The following ENTHD1 variants were observed in gnomAD, a reference collection of about 807,000 sequenced individuals.
ENTHD1 encodes ENTH domain containing 1.
A neutral mutation model predicts 39.1 loss-of-function variants in ENTHD1; 23 were observed. The observed-to-expected ratio is 0.59, with a 90% confidence interval of 0.42 to 0.83. The LOEUF (loss-of-function observed/expected upper bound fraction) is 0.83. Ranked by LOEUF, ENTHD1 falls within the 40% of genes least tolerant of loss-of-function variation. The pLI is 0.00. For missense variants in ENTHD1, 624 were observed against 705.4 expected (o/e 0.88, Z 1.31); for synonymous variants, 230 against 258.2 (o/e 0.89, Z 1.05).
intron 4 of ENTHD1, among the ~76,000 whole-genome samples, chr22:39,833,974 CTTTATCTATA>C (rs2065890172): frequency 6.6e-6 from 1 of 151,006 alleles, no homozygotes; most frequent in Non-Finnish European, 1.5e-5. Flanking sequence ...ATTAAAAGCC[CTTTATCTATA>C]CACTTCACAC....
chr22:39,856,410 T>C (rs1292555150), intron 3 of ENTHD1, among the ~76,000 whole-genome samples: 2 of 152,150 alleles, frequency 1.3e-5, no homozygotes, highest in Non-Finnish European at 2.9e-5. Flanking sequence ...TGGTTAGTAT[T>C]GCCAAGTTTA....
In ENTHD1 at chr22:39,765,537, CCAT is replaced by C; in HGVS notation, c.902_904del (p.Asp301del). 1 of 1,613,722 alleles carries C rather than the reference CCAT, an allele frequency of 6.2e-7. No individual in the cohort carries two copies. Among genetic ancestry groups the C allele is most frequent in the South Asian group, 1.1e-5 (1 of 91,072 alleles). ...TTCTGTGACAGTATTTGTAAAGATA[CCAT>C]CTGATCTCTTGTCCAAACTCACATC... On this transcript the variant is annotated inframe_deletion, in exon 6 of 7. Transcript: ENST00000325157.
In ENTHD1 at chr22:39,747,006, T is replaced by C. The variant is rs117977255; in HGVS notation, c.1220-2723A>G. ...GTTTTGTTTTGTTTTTTCTTTTTTTTAGAAACAGGACCTTGCTCTGTCACC... is the reference window on the plus strand; with the variant it reads ...GTTTTGTTTTGTTTTTTCTTTTTTTCAGAAACAGGACCTTGCTCTGTCACC... On this transcript the variant is annotated intron_variant, in intron 6 of 6. Transcript: ENST00000325157. Among the ~76,000 whole-genome samples the C allele has an allele frequency of 5.9e-5, 9 of 152,328 alleles. No homozygotes were observed. In the East Asian group the frequency reaches 1.7e-3, roughly 29 times the overall value.
At chr22:39,865,154 GA>G (rs2066173003) in intron 2 of ENTHD1, among the ~76,000 whole-genome samples, 2 of 151,820 alleles carry the variant, frequency 1.3e-5, no homozygotes, top group South Asian at 4.2e-4. Flanking sequence ...GGGATTTGAG[GA>G]CAGCTGCAAT....
At position 39,743,820 on chromosome 22, in the gene ENTHD1, T is replaced by G. The variant is rs140956590; in HGVS notation, c.1683A>C (p.Arg561Ser). 1 of 1,614,156 alleles carries G rather than the reference T, an allele frequency of 6.2e-7. No homozygotes were observed. The highest frequency in any genetic ancestry group is 8.5e-7 in the Non-Finnish European group (1 of 1,180,012). ...LLREVKRAIA[R>S]LHEDLSTVIQ... is the part of the protein sequence containing the mutation. ...TCACTGTGCTCAGATCTTCATGTAA[T>G]CTAGCGATCGCACGTTTTACCTCCC... is the stretch of plus-strand genomic sequence containing the variant. The change falls in exon 7 of 7, where the codon AGA (arginine) becomes AGC (serine). Residue 561 changes from arginine (R) to serine (S), a missense_variant. By Grantham distance (110) the Arg-to-Ser change is moderately radical (BLOSUM62 -1). Coordinates refer to ENST00000325157, the MANE Select transcript of ENTHD1 (RefSeq NM_152512.4).
At chr22:39,752,009 A>T (rs1161030026) in intron 6 of ENTHD1, among the ~76,000 whole-genome samples, 2 of 152,184 alleles carry the variant, frequency 1.3e-5, no homozygotes, top group East Asian at 3.9e-4. Context: ...AATAGCCAAA[A>T]GCATATCTAT....
intron 3 of ENTHD1, among the ~76,000 whole-genome samples, chr22:39,845,698 T>A (rs535734757): frequency 3.3e-5 from 5 of 152,340 alleles, no homozygotes; most frequent in African/African-American, 1.2e-4. Context: ...GCTAAGCATT[T>A]AAAAAATGTT....
intron 6 of ENTHD1, among the ~76,000 whole-genome samples, chr22:39,758,348 C>T (rs1473704261): frequency 6.6e-6 from 1 of 152,192 alleles, no homozygotes; most frequent in Non-Finnish European, 1.5e-5. Flanking sequence ...TGTTGCTGAT[C>T]TGAGTGGTAA....
intron 3 of ENTHD1, among the ~76,000 whole-genome samples, chr22:39,853,123 C>A (rs2066056695): frequency 6.6e-6 from 1 of 152,120 alleles, no homozygotes; most frequent in Non-Finnish European, 1.5e-5. Context: ...AGCAAGTCCT[C>A]ATTTAATGAT....
At chr22:39,756,291 C>CTG (rs1349308493) in intron 6 of ENTHD1, among the ~76,000 whole-genome samples, 94 of 133,918 alleles carry the variant, frequency 7.0e-4, no homozygotes, top group Non-Finnish European at 1.2e-3. Flanking sequence ...GTCTCTGTCT[C>CTG]TCTCTCTCTC....
intron 2 of ENTHD1, among the ~76,000 whole-genome samples, chr22:39,883,982 AAAACTT>A (rs1476530159): frequency 6.6e-6 from 1 of 152,192 alleles, no homozygotes; most frequent in Non-Finnish European, 1.5e-5. Flanking sequence ...TAAAATGAAA[AAAACTT>A]AAGACATGAA....
intron 5 of ENTHD1, among the ~76,000 whole-genome samples, chr22:39,784,121 T>G (rs562621323): frequency 1.3e-5 from 2 of 151,888 alleles, no homozygotes; most frequent in African/African-American, 2.4e-5. Flanking sequence ...GACAGACACA[T>G]GGCCAACAGG....
chr22:39,869,838 C>G (rs915892530), intron 2 of ENTHD1, among the ~76,000 whole-genome samples: 1 of 151,046 alleles, frequency 6.6e-6, no homozygotes, highest in African/African-American at 2.4e-5. Flanking sequence ...AGATATGAAA[C>G]AGGAACAGAT....
At chr22:39,796,933 C>T (rs1187478097) in intron 5 of ENTHD1, among the ~76,000 whole-genome samples, 1 of 152,148 alleles carries the variant, frequency 6.6e-6, no homozygotes, top group East Asian at 1.9e-4. Context: ...GATTTTCTGT[C>T]TAGATGATCT....
intron 1 of ENTHD1, among the ~76,000 whole-genome samples, chr22:39,890,467 G>A (rs1463109090): frequency 1.3e-5 from 2 of 151,788 alleles, no homozygotes; most frequent in South Asian, 2.1e-4. Flanking sequence ...GTTTCTTCAC[G>A]ATTCTATTTT....
chr22:39,817,044 T>C (rs1345780218), intron 5 of ENTHD1, among the ~76,000 whole-genome samples: 2 of 152,172 alleles, frequency 1.3e-5, no homozygotes, highest in East Asian at 3.8e-4. Context: ...ACTCAATATG[T>C]AGCTATATGC....
intron 5 of ENTHD1, among the ~76,000 whole-genome samples, chr22:39,819,341 G>T (rs1327835367): frequency 6.6e-6 from 1 of 151,500 alleles, no homozygotes; most frequent in South Asian, 2.1e-4. Flanking sequence ...CTCCAACCTG[G>T]GTGACAGAGC....
intron 4 of ENTHD1, among the ~76,000 whole-genome samples, chr22:39,824,400 G>A (rs750761759): frequency 6.6e-6 from 1 of 151,594 alleles, no homozygotes; most frequent in Non-Finnish European, 1.5e-5. Flanking sequence ...TAGTAGAGAC[G>A]GGGTTTTACC....
intron 2 of ENTHD1, among the ~76,000 whole-genome samples, chr22:39,868,247 A>G (rs1304261089): frequency 6.6e-6 from 1 of 151,930 alleles, no homozygotes; most frequent in Non-Finnish European, 1.5e-5. Flanking sequence ...AGGACATTCT[A>G]GTATTATCAC....
Sources: allele counts gnomAD v4.1 joint callset (sites outside exome capture counted in the v4.1 genomes callset), GRCh38; gene constraint gnomAD v4.1.1; transcripts MANE v1.5; gene names NCBI Gene and HGNC (gene_info 2026-07-23, HGNC 2026-07-21).